The following ADGRV1 variants were observed in gnomAD, a reference collection of about 807,000 sequenced individuals.
ADGRV1 encodes adhesion G protein-coupled receptor V1.
ADGRV1 carries 359 observed loss-of-function variants against 596.2 expected under a neutral mutation model. The ratio of observed to expected loss-of-function variants is 0.60; its 90% CI spans 0.55 to 0.66. ADGRV1 has a LOEUF of 0.66. Among genes scored for constraint, ADGRV1 ranks in the 30% least tolerant of loss-of-function variants. ADGRV1 has a pLI of 0.00. For missense variants in ADGRV1, 7,274 were observed against 7,575.6 expected, an observed-to-expected ratio of 0.96 and a Z score of 1.48; for synonymous variants, 2,681 against 2,679.2, an observed-to-expected ratio of 1.00 and a Z score of -0.02.
intron 86 of ADGRV1, among the ~76,000 whole-genome samples, chr5:91,088,780 GA>G (rs555935573): frequency 2.0e-5 from 3 of 151,534 alleles, no homozygotes; most frequent in African/African-American, 4.8e-5. Flanking sequence ...TTAAAAAAGA[GA>G]AAAAAAATCC....
At chr5:91,134,110 A>C (rs1433820355) in intron 87 of ADGRV1, among the ~76,000 whole-genome samples, 1 of 152,218 alleles carries the variant, frequency 6.6e-6, no homozygotes, top group African/African-American at 2.4e-5. Flanking sequence ...TGATTCTTCA[A>C]GGGAAGAAAA....
At position 90,788,255 on chromosome 5, in the gene ADGRV1, A is replaced by G. The variant is rs775508830; in HGVS notation, c.13838A>G (p.His4613Arg). The G allele has an allele frequency of 2.5e-6, 4 of 1,612,640 alleles. No homozygotes were observed. Among genetic ancestry groups the G allele is most frequent in the Non-Finnish European group, 2.5e-6 (3 of 1,178,666 alleles). Residue 4613 changes from histidine (H) to arginine (R), a missense_variant, in exon 68 of 90, where the codon CAT (histidine) becomes CGT (arginine). Coordinates refer to ENST00000405460, the MANE Select transcript of ADGRV1 (RefSeq NM_032119.4). ...EVEETFIIKL[H>R]LVKGEAKLDS... ...GAAGAGACATTCATTATTAAACTTC[A>G]TCTTGTGAAAGGAGAAGCTAAATTA...
intron 21 of ADGRV1, among the ~76,000 whole-genome samples, chr5:90,660,702 G>C (rs1437589072): frequency 6.6e-6 from 1 of 152,034 alleles, no homozygotes; most frequent in Non-Finnish European, 1.5e-5. Flanking sequence ...AGACCCCCTT[G>C]TCTATTTTAA....
Position 90,637,757 on chromosome 5 carries a change from TG to T in ADGRV1, c.2051del (p.Gly684AlafsTer9). ...YIPLHRDGTD[G>X]QATVYWSLKP... ...TTCCCTTACATCGGGATGGAACTGA[TG>T]GCCAGGCTACTGTCTACTGGAGTTT... On this transcript the variant is annotated frameshift_variant, in exon 11 of 90. Transcript: ENST00000405460. LOFTEE classifies it high-confidence loss of function. 3.7e-6 allele frequency: 6 copies of T among 1,613,238 alleles called. No homozygotes were observed. Among genetic ancestry groups the T allele is most frequent in the Non-Finnish European group, 5.1e-6 (6 of 1,179,598 alleles).
At chr5:90,729,067 T>G in intron 49 of ADGRV1, 134 bp downstream of exon 49, 2 of 638,686 alleles carry the variant, frequency 3.1e-6, no homozygotes, top group Non-Finnish European at 5.1e-6. Context: ...TAGATAAGTA[T>G]TAATTGTCAG....
chr5:90,941,940 C>T (rs1331189874), intron 83 of ADGRV1, among the ~76,000 whole-genome samples: 1 of 152,186 alleles, frequency 6.6e-6, no homozygotes, highest in African/African-American at 2.4e-5. Flanking sequence ...TTTCTTCTCA[C>T]AAAGCCTTAT....
chr5:91,075,863 A>G (rs996858823), intron 86 of ADGRV1, among the ~76,000 whole-genome samples: 4 of 152,170 alleles, frequency 2.6e-5, no homozygotes, highest in African/African-American at 4.8e-5. Flanking sequence ...ACCCAGGACC[A>G]TCTTTCCATT....
In ADGRV1 at chr5:90,763,491, C is replaced by T. The variant is rs372253174; in HGVS notation, c.12285+22C>T. 8 of 1,576,164 alleles carry T rather than the reference C, an allele frequency of 5.1e-6. No individual in the cohort carries two copies. In the East Asian group the frequency reaches 1.6e-4, roughly 31 times the overall value. ...TGAGGTATAGTCAGCATTAGCACTC[C>T]TGTAATTTTTCCCCAATTTGTCTTT... On this transcript the variant is annotated intron_variant, in intron 59 of 89. Coordinates refer to ENST00000405460, the MANE Select transcript of ADGRV1 (RefSeq NM_032119.4).
intron 70 of ADGRV1, among the ~76,000 whole-genome samples, chr5:90,796,297 C>G (rs1243394126): frequency 1.3e-5 from 2 of 151,976 alleles, no homozygotes; most frequent in African/African-American, 4.8e-5. Flanking sequence ...CCTGATGGAG[C>G]TGAAAAACAC....
chr5:90,630,319 C>T (rs1420288940), intron 9 of ADGRV1: 1 of 152,110 alleles, frequency 6.6e-6, no homozygotes, highest in African/African-American at 2.4e-5. Context: ...TTTATAAATA[C>T]TTTTAAATAA....
chr5:90,786,250 G>T (rs969481446), intron 67 of ADGRV1, among the ~76,000 whole-genome samples: 2 of 151,922 alleles, frequency 1.3e-5, no homozygotes, highest in Non-Finnish European at 1.5e-5. Flanking sequence ...GGGCCTATTG[G>T]GGGGTGGGGG....
intron 67 of ADGRV1, among the ~76,000 whole-genome samples, chr5:90,784,528 T>C (rs1438734163): frequency 2.0e-5 from 3 of 152,166 alleles, no homozygotes; most frequent in Non-Finnish European, 4.4e-5. Context: ...GAGGATGTGA[T>C]ATTTCAGCTG....
chr5:90,785,131 C>A (rs1759287160), intron 67 of ADGRV1, among the ~76,000 whole-genome samples: 1 of 152,046 alleles, frequency 6.6e-6, no homozygotes, highest in Admixed American at 6.6e-5. Context: ...CTACAACAAA[C>A]CTGACAAAAA....
At chr5:91,118,742 C>T (rs901310564) in intron 87 of ADGRV1, among the ~76,000 whole-genome samples, 4 of 152,202 alleles carry the variant, frequency 2.6e-5, no homozygotes, top group Middle Eastern at 6.8e-3. Context: ...TTGAATTCCT[C>T]GAGCACTTTT....
rs149628976 is a variant in ADGRV1 at position 90,566,258 on chromosome 5, T to G, written c.22+7341T>G. On this transcript the variant is annotated intron_variant, in intron 1 of 89. Transcript: ENST00000405460. The stretch of plus-strand genomic sequence containing the variant: ...TTGCCTGATACAAGGTCACAAAAAT[T>G]TATACCCATGCTTTCATCTAAGAGT... 4.4e-3 allele frequency among the ~76,000 whole-genome samples: 672 copies of G among 152,296 alleles called. 3 individuals carry two copies. The highest frequency in any genetic ancestry group is 8.3e-3 in the South Asian group (40 of 4,830).
At chr5:90,614,720 T>C in intron 1 of ADGRV1, 115 bp from the exon 2 acceptor site, 1 of 793,140 alleles carries the variant, frequency 1.3e-6, no homozygotes, top group Non-Finnish European at 2.2e-6. Context: ...TGTATTTATG[T>C]CTTAGTTGTT....
intron 83 of ADGRV1, among the ~76,000 whole-genome samples, chr5:90,924,289 C>A (rs1774190715): frequency 6.7e-6 from 1 of 150,358 alleles, no homozygotes; most frequent in African/African-American, 2.4e-5. Context: ...CTCTCCAGCA[C>A]CTGTTGTTTC....
At position 90,993,042 on chromosome 5, in the gene ADGRV1, C is replaced by G. The variant is rs1392945687; in HGVS notation, c.18152+7520C>G. 5.9e-5 allele frequency among the ~76,000 whole-genome samples: 9 copies of G among 152,080 alleles called. No homozygotes were observed. In the South Asian group the frequency reaches 1.2e-3, roughly 21 times the overall value. On this transcript the variant is annotated intron_variant, in intron 85 of 89. Transcript: ENST00000405460. The stretch of plus-strand genomic sequence containing the variant: ...CTTGTTCAAATTTCACCAGTTTTCC[C>G]CCAATGTCTTTTTTCTACTCTGAAA...
At chr5:91,047,162 G>T (rs1785902725) in intron 85 of ADGRV1, among the ~76,000 whole-genome samples, 1 of 152,124 alleles carries the variant, frequency 6.6e-6, no homozygotes, top group Non-Finnish European at 1.5e-5. Context: ...CTGAATTTGC[G>T]CTCTAGTTGC....
Sources: gnomAD v4.1 joint callset for allele counts (sites outside exome capture counted in the v4.1 genomes callset) on GRCh38, gnomAD v4.1.1 for gene constraint, MANE v1.5 for transcripts, NCBI Gene and HGNC (gene_info 2026-07-23, HGNC 2026-07-21) for gene names.